TRAFD1: variants seen among roughly 807,000 people sequenced by gnomAD.
TRAFD1 encodes the protein TRAF-type zinc finger domain-containing protein 1.
In TRAFD1, 38 loss-of-function variants were observed where a neutral mutation model predicts 65.3. The observed-to-expected ratio is 0.58, with a 90% CI of 0.45 to 0.76. The LOEUF (loss-of-function observed/expected upper bound fraction) is 0.76. Among genes scored for constraint, TRAFD1 ranks in the 30% least tolerant of loss-of-function variants. The pLI, the probability that TRAFD1 is intolerant of heterozygous loss-of-function variation, is 0.00. For missense variants in TRAFD1, 631 were observed against 712.6 expected (o/e 0.89, Z 1.30); for synonymous variants, 223 against 257.2 (o/e 0.87, Z 1.27).
At chr12:112,135,825 GTTT>G (rs753306363) in intron 4 of TRAFD1, among the ~76,000 whole-genome samples, 1 of 131,588 alleles carries the variant, frequency 7.6e-6, no homozygotes, top group Non-Finnish European at 1.6e-5. Flanking sequence ...CTGGCCAAAG[GTTT>G]TTTTTTTTTT....
Position 112,126,946 on chromosome 12 carries a change from G to A in TRAFD1, c.-13+1328G>A, listed in dbSNP as rs116561736. Among the ~76,000 whole-genome samples, 1,477 of 152,170 alleles carry A rather than the reference G, an allele frequency of 9.7e-3. 25 individuals are homozygous for A. The highest frequency in any genetic ancestry group is 0.034 in the African/African-American group (1,402 of 41,516). ...TGGGATTACAGGCGTGAGCTGCTGCGCCCAGCCCAGAATGGGTGTCTTGAA... is the reference window on the plus strand; with the variant it reads ...TGGGATTACAGGCGTGAGCTGCTGCACCCAGCCCAGAATGGGTGTCTTGAA... On this transcript the variant is annotated intron_variant, in intron 1 of 11. Coordinates refer to ENST00000412615, the MANE Select transcript of TRAFD1 (RefSeq NM_006700.3).
chr12:112,148,287 G>A lies in TRAFD1; in HGVS notation c.1141G>A (p.Val381Met). The A allele has an allele frequency of 6.2e-7, 1 of 1,614,098 alleles. No individual in the cohort carries two copies. The highest frequency in any genetic ancestry group is 8.5e-7 in the Non-Finnish European group (1 of 1,179,966). ...EFCGVQLEEEVLFHHQDQCDQ... is the reference protein window; with the variant it reads ...EFCGVQLEEEMLFHHQDQCDQ... Reference sequence around the variant, plus strand: ...CTGTGGGGTACAGCTGGAAGAGGAGGTGCTGTTCCATCACCAGGTAAGGGT... The same window carrying A: ...CTGTGGGGTACAGCTGGAAGAGGAGATGCTGTTCCATCACCAGGTAAGGGT... Residue 381 changes from valine (V) to methionine (M), a missense_variant, in exon 8 of 12, where the codon GTG becomes ATG. Transcript: ENST00000412615.
rs537417088 is a variant in TRAFD1, at chr12:112,137,864, A to G, written c.237+2798A>G. On this transcript the variant is annotated intron_variant, in intron 4 of 11. Transcript: ENST00000412615. The surrounding 1 kb of genome is among the most constrained non-coding windows in gnomAD (Gnocchi z 4.2). ...CATATGTAAAAATTCACCAAGGTAT[A>G]TACTTAAAGATTTGTGCATTTCATT... Among the ~76,000 whole-genome samples, 2 of 152,340 alleles carry G rather than the reference A, an allele frequency of 1.3e-5. No homozygotes were observed. The highest frequency in any genetic ancestry group is 4.8e-5 in the African/African-American group (2 of 41,576).
Position 112,148,228 on chromosome 12 carries a change from C to A in TRAFD1, c.1082C>A (p.Pro361His), listed in dbSNP as rs1320181996. 7 of 1,614,052 alleles carry A rather than the reference C, an allele frequency of 4.3e-6. No individual in the cohort carries two copies. ...TTGATGGGCCTGAGCAATTCACACC[C>A]TGTGGAGGAGAGCATCATTATCCCA... is the stretch of plus-strand genomic sequence containing the variant. Reference protein sequence around the residue: ...DSLMGLSNSHPVEESIIIPCE... With the variant: ...DSLMGLSNSHHVEESIIIPCE... The change falls in exon 8 of 12, where the codon CCT (proline) becomes CAT (histidine). Residue 361 changes from proline to histidine, a missense_variant. By Grantham distance (77) the Pro-to-His change is moderately conservative. Coordinates refer to ENST00000412615, the MANE Select transcript of TRAFD1 (RefSeq NM_006700.3).
intron 6 of TRAFD1, among the ~76,000 whole-genome samples, chr12:112,144,516 C>T (rs902348586): frequency 2.0e-5 from 3 of 152,154 alleles, no homozygotes; most frequent in Admixed American, 2.0e-4. Context: ...GGTAATCCAC[C>T]CACCTTGGCC....
chr12:112,145,778 T>C, intron 7 of TRAFD1, 116 bp downstream of exon 7: 1 of 877,736 alleles, frequency 1.1e-6, no homozygotes, highest in Non-Finnish European at 1.8e-6. Flanking sequence ...ATAGTAGGAA[T>C]AGCAAGTGTT....
In TRAFD1 at chr12:112,152,240, C is replaced by A; in HGVS notation, c.1619+100C>A. On this transcript the variant is annotated intron_variant, in intron 10 of 11. Coordinates refer to ENST00000412615, the MANE Select transcript of TRAFD1 (RefSeq NM_006700.3). This position sits in a 1 kb window ranked among gnomAD's most constrained non-coding sequence, Gnocchi z 5.0. ...CCAGGCCTGGGGTAAGACTGAGGTA[C>A]TTGCATGGTAAGGGGAGGAGTATGG... The A allele has an allele frequency of 7.0e-7, 1 of 1,437,702 alleles. No individual in the cohort carries two copies. Among genetic ancestry groups the A allele is most frequent in the Non-Finnish European group, 9.4e-7 (1 of 1,060,506 alleles). The allele number at this position is 1,437,702 out of a possible 1,614,324, so 89.1% of individuals were successfully genotyped here. A position where few individuals can be genotyped will look rare whatever the true frequency, so the allele number is the denominator to read the frequency against.
chr12:112,153,175 G>A lies in TRAFD1; in HGVS notation c.*384G>A, dbSNP rs1352341946. ...CAGTAAGGTGATTCTCTGCCCTGTT[G>A]GGGCCTAAATTTGGGGGCTTTTGGG... On this transcript the variant is annotated 3_prime_UTR_variant, in exon 12 of 12. Transcript: ENST00000412615. 7 of 194,526 alleles carry A rather than the reference G, an allele frequency of 3.6e-5. No individual in the cohort carries two copies. The highest frequency in any genetic ancestry group is 6.4e-5 in the Non-Finnish European group (6 of 94,466). 12.0% of individuals were successfully genotyped at this position (194,526 alleles called of 1,614,324 possible). A position where few individuals can be genotyped will look rare whatever the true frequency, so the allele number is the denominator to read the frequency against.
intron 2 of TRAFD1, among the ~76,000 whole-genome samples, chr12:112,133,729 C>T (rs373354288): frequency 3.5e-4 from 50 of 144,308 alleles, no homozygotes; most frequent in Non-Finnish European, 2.6e-4. Context: ...TTTTTTGATA[C>T]GGAATCTTGC....
At chr12:112,150,468 C>T (rs556276669) in intron 9 of TRAFD1, among the ~76,000 whole-genome samples, 11 of 152,226 alleles carry the variant, frequency 7.2e-5, no homozygotes, top group African/African-American at 2.2e-4. Flanking sequence ...AGGGTGATTT[C>T]GAACTCTTGG....
At chr12:112,135,720 T>C (rs1328978122) in intron 4 of TRAFD1, among the ~76,000 whole-genome samples, 2 of 152,016 alleles carry the variant, frequency 1.3e-5, no homozygotes, top group Non-Finnish European at 2.9e-5. Flanking sequence ...TTTTAAAATC[T>C]TGAACACCTG....
intron 2 of TRAFD1, among the ~76,000 whole-genome samples, chr12:112,133,897 G>A (rs2079579440): frequency 6.6e-6 from 1 of 151,356 alleles, no homozygotes; most frequent in Non-Finnish European, 1.5e-5. Context: ...GTAGAAGCGG[G>A]GTTTCACCAT....
chr12:112,139,436 CTT>C (rs925734961), intron 4 of TRAFD1, among the ~76,000 whole-genome samples: 1 of 144,182 alleles, frequency 6.9e-6, no homozygotes. Flanking sequence ...TTTTCAAAAG[CTT>C]TTTTTTTTTG....
At chr12:112,139,231 T>A (rs1455446431) in intron 4 of TRAFD1, among the ~76,000 whole-genome samples, 1 of 151,876 alleles carries the variant, frequency 6.6e-6, no homozygotes, top group Non-Finnish European at 1.5e-5. Context: ...ATACCTGTGG[T>A]CCCAGCTACT....
chr12:112,140,685 A>T, intron 4 of TRAFD1, 134 bp from the exon 5 acceptor site: 2 of 1,032,862 alleles, frequency 1.9e-6, no homozygotes, highest in African/African-American at 1.6e-5. Context: ...ATAATTAAAT[A>T]CATTAAAAAA....
rs2030454168 is a variant in TRAFD1 at position 112,153,092 on chromosome 12, C to G, written c.*301C>G. 1 of 347,508 alleles carries G rather than the reference C, an allele frequency of 2.9e-6. No individual in the cohort carries two copies. Among genetic ancestry groups the G allele is most frequent in the Non-Finnish European group, 5.3e-6 (1 of 188,710 alleles). 21.5% of individuals were successfully genotyped at this position (347,508 alleles called of 1,614,324 possible). ...TTTTGACTTATTGTCGCCACTGCCC[C>G]TTGGTGCTGTGTGGTCCCAGTGGAA... On this transcript the variant is annotated 3_prime_UTR_variant, in exon 12 of 12. Transcript: ENST00000412615.
At position 112,148,062 on chromosome 12, in the gene TRAFD1, T is replaced by C; in HGVS notation, c.928-12T>C. ...TGATTCTTGTTTTTAACCTATATTT[T>C]TTGAATGACAGACAAGCTGTAACCC... is the stretch of plus-strand genomic sequence containing the variant. On this transcript the variant is annotated splice_polypyrimidine_tract_variant and intron_variant, in intron 7 of 11. Transcript: ENST00000412615. 1 of 1,602,214 alleles carries C rather than the reference T, an allele frequency of 6.2e-7. No homozygotes were observed. Among genetic ancestry groups the C allele is most frequent in the South Asian group, 1.1e-5 (1 of 90,096 alleles).
chr12:112,152,662 C>T lies in TRAFD1; in HGVS notation c.1693-73C>T, dbSNP rs768635075. On this transcript the variant is annotated intron_variant, in intron 11 of 11. Transcript: ENST00000412615. The surrounding 1 kb of genome is among the most constrained non-coding windows in gnomAD (Gnocchi z 5.0). Reference sequence around the variant, plus strand: ...GGTTTCTAAGGAAGCGGGACATTTTCGGGGATCCAGGGGAGGAGTAATGCT... The same window carrying T: ...GGTTTCTAAGGAAGCGGGACATTTTTGGGGATCCAGGGGAGGAGTAATGCT... 1.7e-5 allele frequency: 28 copies of T among 1,608,432 alleles called. No individual in the cohort carries two copies. The Middle Eastern group carries it at 5.0e-4, about 29-fold the overall frequency.
chr12:112,151,957 G>A lies in TRAFD1; in HGVS notation c.1436G>A (p.Ser479Asn). 2 of 1,614,218 alleles carry A rather than the reference G, an allele frequency of 1.2e-6. No individual in the cohort carries two copies. The highest frequency in any genetic ancestry group is 2.2e-5 in the South Asian group (2 of 91,088). ...TSGPRPGCQP[S>N]SPCVPKLSNS... ...GGCCCCAGACCTGGGTGCCAGCCCA[G>A]CTCTCCTTGTGTGCCGAAGCTCAGC... Residue 479 changes from serine to asparagine, a missense_variant, in exon 10 of 12, where the codon AGC becomes AAC. Transcript: ENST00000412615.
Sources: gnomAD v4.1 joint callset for allele counts (sites outside exome capture counted in the v4.1 genomes callset) on GRCh38, gnomAD v4.1.1 for gene constraint, Gnocchi (gnomAD v3.1) non-coding constraint, MANE v1.5 for transcripts, NCBI Gene and HGNC (gene_info 2026-07-23, HGNC 2026-07-21) for gene names.